Variants in UPK3B observed in about 807,000 individuals in gnomAD.
UPK3B encodes uroplakin-3b.
A neutral mutation model predicts 27.6 loss-of-function variants in UPK3B; 21 were observed. The ratio of observed to expected loss-of-function variants is 0.76; its 90% CI spans 0.54 to 1.10. The LOEUF (loss-of-function observed/expected upper bound fraction) is 1.10, where lower values mean the gene tolerates loss of function less well. UPK3B is among the 50% of genes least tolerant of loss of function. The probability of loss-of-function intolerance (pLI) is 0.00; values close to 1 mark genes in which losing one functional copy is unlikely to be tolerated. For missense variants in UPK3B, 306 were observed against 376.1 expected, an observed-to-expected ratio of 0.81 and a Z score of 1.54; for synonymous variants, 141 against 162.3, an observed-to-expected ratio of 0.87 and a Z score of 1.00.
At position 76,512,000 on chromosome 7, in the gene UPK3B, C is replaced by A. The variant is rs1455676743; in HGVS notation, c.461+118C>A. ...GGGAGGGGTCCCCGGCCCCGGTCCTCCCCTTTGCAAGCCCGGGCTCCTTCC... is the reference window on the plus strand; with the variant it reads ...GGGAGGGGTCCCCGGCCCCGGTCCTACCCTTTGCAAGCCCGGGCTCCTTCC... On this transcript the variant is annotated intron_variant, in intron 3 of 5. Transcript: ENST00000334348. 8.1e-5 allele frequency: 41 copies of A among 508,462 alleles called. 3 individuals are homozygous for A. Among genetic ancestry groups the A allele is most frequent in the Non-Finnish European group, 1.3e-4 (38 of 302,760 alleles). The allele number at this position is 508,462 out of a possible 1,614,324, so 31.5% of individuals were successfully genotyped here.
rs1563769295 is a variant in UPK3B at position 76,514,094 on chromosome 7, C to G, written c.671+18C>G. 1.9e-6 allele frequency: 3 copies of G among 1,613,974 alleles called. No individual in the cohort carries two copies. The highest frequency in any genetic ancestry group is 8.5e-7 in the Non-Finnish European group (1 of 1,179,912). ...ATGCGCTTGTGAGTGGGGACACCCC[C>G]TCGGGCCCCTCTCCCACCCAGAACC... On this transcript the variant is annotated intron_variant, in intron 5 of 5. Coordinates refer to ENST00000334348, the MANE Select transcript of UPK3B (RefSeq NM_001347684.2).
Position 76,515,198 on chromosome 7 carries a change from C to A in UPK3B, c.825C>A (p.Ser275Arg). ...GCCTGGACCCCCTCCCCAGCCTCAG[C>A]CCCTAGCCTGGCCTCTTTGCATGGG... The part of the protein sequence containing the change: ...KPGLDPLPSL[S>R]P Residue 275 changes from serine (S) to arginine (R), a missense_variant, in exon 6 of 6, where the codon AGC (serine) becomes AGA (arginine). Coordinates refer to ENST00000334348, the MANE Select transcript of UPK3B (RefSeq NM_001347684.2). 2 of 1,593,480 alleles carry A rather than the reference C, an allele frequency of 1.3e-6. No homozygotes were observed. Among genetic ancestry groups the A allele is most frequent in the Non-Finnish European group, 1.7e-6 (2 of 1,170,186 alleles).
rs1812642729 is a variant in UPK3B at position 76,514,084 on chromosome 7, G to A, written c.671+8G>A. Reference sequence around the variant, plus strand: ...AGCCTCTACCATGCGCTTGTGAGTGGGGACACCCCCTCGGGCCCCTCTCCC... The same window carrying A: ...AGCCTCTACCATGCGCTTGTGAGTGAGGACACCCCCTCGGGCCCCTCTCCC... On this transcript the variant is annotated splice_region_variant and intron_variant, in intron 5 of 5. Coordinates refer to ENST00000334348, the MANE Select transcript of UPK3B (RefSeq NM_001347684.2). 1.2e-6 allele frequency: 2 copies of A among 1,613,984 alleles called. No homozygotes were observed. The highest frequency in any genetic ancestry group is 1.7e-6 in the Non-Finnish European group (2 of 1,179,936).
chr7:76,512,490 A>G (rs547122458), intron 3 of UPK3B, among the ~76,000 whole-genome samples: 4 of 136,086 alleles, frequency 2.9e-5, no homozygotes, highest in South Asian at 5.1e-4. Flanking sequence ...CCCACTCTCC[A>G]GGTCCACCCT....
At chr7:76,513,242 C>A in intron 4 of UPK3B, 79 bp downstream of exon 4, 2 of 1,365,728 alleles carry the variant, frequency 1.5e-6, no homozygotes, top group Non-Finnish European at 2.1e-6. Flanking sequence ...TGGCCACACC[C>A]CTGCTCCCAC....
chr7:76,514,523 T>C (rs1812661963), intron 5 of UPK3B, among the ~76,000 whole-genome samples: 1 of 152,046 alleles, frequency 6.6e-6, no homozygotes, highest in South Asian at 2.1e-4. Flanking sequence ...CCTCTGGTGG[T>C]TTAGTAAGCT....
At position 76,510,593 on chromosome 7, in the gene UPK3B, T is replaced by C; in HGVS notation, c.-60T>C. ...TTCTCCAGGGCCAAGCTGTTGGGGG[T>C]GAGGTGCAGCCCGAAGCAGCCAGAC... On this transcript the variant is annotated 5_prime_UTR_variant, in exon 1 of 6. Coordinates refer to ENST00000334348, the MANE Select transcript of UPK3B (RefSeq NM_001347684.2). The C allele has an allele frequency of 7.3e-7, 1 of 1,366,638 alleles. No homozygotes were observed. Among genetic ancestry groups the C allele is most frequent in the Non-Finnish European group, 9.5e-7 (1 of 1,049,412 alleles). 84.7% of individuals were successfully genotyped at this position (1,366,638 alleles called of 1,614,324 possible).
chr7:76,513,284 C>A, intron 4 of UPK3B, 121 bp downstream of exon 4: 2 of 946,074 alleles, frequency 2.1e-6, no homozygotes, highest in South Asian at 1.6e-5. Context: ...ATGTCCAAGT[C>A]GGGCCCAGCC....
In UPK3B at chr7:76,510,707, T is replaced by C; in HGVS notation, c.55T>C (p.Leu19=). 1 of 1,507,078 alleles carries C rather than the reference T, an allele frequency of 6.6e-7. No homozygotes were observed. The allele number at this position is 1,507,078 out of a possible 1,614,324, so 93.4% of individuals were successfully genotyped here. A position where few individuals can be genotyped will look rare whatever the true frequency, so the allele number is the denominator to read the frequency against. ...HLGLQMLLLA[L]NCLRPSLSLE... is the part of the protein sequence containing the mutation. The stretch of plus-strand genomic sequence containing the variant: ...AGGGCTGCAGATGCTCCTCCTGGCG[T>C]TGAACTGTCTCCGGCCCAGCCTGAG... Residue 19 remains leucine, a synonymous_variant, in exon 1 of 6, where the codon TTG becomes CTG. Transcript: ENST00000334348.
intron 4 of UPK3B, among the ~76,000 whole-genome samples, 155 bp downstream of exon 4, chr7:76,513,318 G>A (rs992317066): frequency 6.6e-6 from 1 of 152,186 alleles, no homozygotes; most frequent in Non-Finnish European, 1.5e-5. Context: ...CATGCTGGGG[G>A]AGTGGGGCAC....
At position 76,515,155 on chromosome 7, in the gene UPK3B, C is replaced by T. The variant is rs751471783; in HGVS notation, c.782C>T (p.Pro261Leu). 6.9e-6 allele frequency: 11 copies of T among 1,597,938 alleles called. No individual in the cohort carries two copies. Among genetic ancestry groups the T allele is most frequent in the African/African-American group, 1.3e-5 (1 of 74,846 alleles). ...HIPPREAATL[P>L]VGCKPGLDPL... ...CCACCCAGAGAGGCCGCCACACTGC[C>T]GGTGGGCTGCAAGCCTGGCCTGGAC... is the stretch of plus-strand genomic sequence containing the variant. Residue 261 changes from proline to leucine, a missense_variant, in exon 6 of 6, where the codon CCG (proline) becomes CTG (leucine). Around this residue, in one of 4 missense-constraint regions of UPK3B, gnomAD observed 174 missense variants for 166.6 expected, o/e 1.04. Transcript: ENST00000334348.
Position 76,511,875 on chromosome 7 carries a change from C to G in UPK3B, c.454C>G (p.Pro152Ala). 7.1e-7 allele frequency: 1 copy of G among 1,409,902 alleles called. No homozygotes were observed. Among genetic ancestry groups the G allele is most frequent in the Non-Finnish European group, 9.3e-7 (1 of 1,070,734 alleles). 87.3% of individuals were successfully genotyped at this position (1,409,902 alleles called of 1,614,324 possible). Residue 152 changes from proline (P) to alanine (A), a missense_variant, in exon 3 of 6, where the codon CCC becomes GCC. Transcript: ENST00000334348. ...FCNAPLPGPG[P>A]YRVKFLLMDT... ...CAACGCGCCCCTCCCTGGCCCTGGA[C>G]CCTATCGGTGGGTGGTCCCCACCGG...
intron 3 of UPK3B, 147 bp from the exon 4 acceptor site, chr7:76,512,937 C>T (rs1159417701): frequency 1.5e-6 from 1 of 660,090 alleles, no homozygotes; most frequent in African/African-American, 1.8e-5. Flanking sequence ...CAGAGCAGGG[C>T]CAGGCCATGG....
intron 5 of UPK3B, 122 bp downstream of exon 5, chr7:76,514,198 G>A: frequency 6.8e-7 from 1 of 1,461,278 alleles, no homozygotes; most frequent in Non-Finnish European, 9.4e-7. Flanking sequence ...TAGAGACAGG[G>A]ACTTGCTATG....
rs528523603 is a variant in UPK3B at position 76,510,584 on chromosome 7, TG to T, written c.-68del. 358 of 1,347,150 alleles carry T rather than the reference TG, an allele frequency of 2.7e-4. 1 individual carries two copies. The African/African-American group carries it at 4.8e-3, about 18-fold the overall frequency. 83.4% of individuals were successfully genotyped at this position (1,347,150 alleles called of 1,614,324 possible). The stretch of plus-strand genomic sequence containing the variant: ...TTAACCAGCTTCTCCAGGGCCAAGC[TG>T]TTGGGGGTGAGGTGCAGCCCGAAGC... On this transcript the variant is annotated 5_prime_UTR_variant, in exon 1 of 6. Coordinates refer to ENST00000334348, the MANE Select transcript of UPK3B (RefSeq NM_001347684.2).
In UPK3B at chr7:76,515,312, C is replaced by G. The variant is rs1377563104; in HGVS notation, c.*108C>G. 6.6e-7 allele frequency: 1 copy of G among 1,518,786 alleles called. No homozygotes were observed. Among genetic ancestry groups the G allele is most frequent in the Non-Finnish European group, 8.9e-7 (1 of 1,129,432 alleles). The allele number at this position is 1,518,786 out of a possible 1,614,324, so 94.1% of individuals were successfully genotyped here. A position where few individuals can be genotyped will look rare whatever the true frequency, so the allele number is the denominator to read the frequency against. On this transcript the variant is annotated 3_prime_UTR_variant, in exon 6 of 6. Coordinates refer to ENST00000334348, the MANE Select transcript of UPK3B (RefSeq NM_001347684.2). ...GGCCCCCTCAGGGCTCCTTGCCTTT[C>G]CCCCCCACCAGCACACCCCGTACCC...
Position 76,514,059 on chromosome 7 carries a change from A to C in UPK3B, c.654A>C (p.Ala218=), listed in dbSNP as rs757154599. Residue 218 remains alanine, a synonymous_variant, in exon 5 of 6, where the codon GCA becomes GCC. Coordinates refer to ENST00000334348, the MANE Select transcript of UPK3B (RefSeq NM_001347684.2). ...LAGLLLLAFL[A]ASTMRFSSLW... ...GCCTCCTACTCTTGGCCTTCTTGGC[A>C]GCCTCTACCATGCGCTTGTGAGTGG... 3.1e-6 allele frequency: 5 copies of C among 1,613,852 alleles called. No homozygotes were observed. In the African/African-American group the frequency reaches 6.7e-5, roughly 22 times the overall value.
rs1235054180 is a variant in UPK3B, at chr7:76,510,578, C to T, written c.-75C>T. ...GCCTGATTAACCAGCTTCTCCAGGGCCAAGCTGTTGGGGGTGAGGTGCAGC... is the reference window on the plus strand; with the variant it reads ...GCCTGATTAACCAGCTTCTCCAGGGTCAAGCTGTTGGGGGTGAGGTGCAGC... On this transcript the variant is annotated 5_prime_UTR_variant, in exon 1 of 6. Transcript: ENST00000334348. 1 of 1,324,036 alleles carries T rather than the reference C, an allele frequency of 7.6e-7. No individual in the cohort carries two copies. The highest frequency in any genetic ancestry group is 9.8e-7 in the Non-Finnish European group (1 of 1,018,104). The allele number at this position is 1,324,036 out of a possible 1,614,324, so 82.0% of individuals were successfully genotyped here.
chr7:76,511,117 C>G, intron 2 of UPK3B, 65 bp downstream of exon 2: 1 of 1,453,880 alleles, frequency 6.9e-7, no homozygotes, highest in East Asian at 2.4e-5. Flanking sequence ...GCCCTAGGAG[C>G]CCCTCACCAG....
Sources: allele counts gnomAD v4.1 joint callset (sites outside exome capture counted in the v4.1 genomes callset), GRCh38; gene constraint gnomAD v4.1.1; regional missense constraint gnomAD v4.1.1; transcripts MANE v1.5; gene names NCBI Gene and HGNC (gene_info 2026-07-23, HGNC 2026-07-21).